BCR: variants seen among roughly 807,000 people sequenced by gnomAD.
The protein encoded by BCR is breakpoint cluster region protein.
In BCR, 58 loss-of-function variants were observed where a neutral mutation model predicts 138.6. The observed-to-expected ratio is 0.42, with a 90% confidence interval of 0.34 to 0.52. BCR has a LOEUF of 0.52. BCR is among the 20% of genes least tolerant of loss of function. The pLI, the probability that BCR is intolerant of heterozygous loss-of-function variation, is 0.06. For synonymous variants in BCR, 786 were observed against 730.1 expected (o/e 1.08, Z -1.23); for missense variants, 1,599 against 1,727.2 (o/e 0.93, Z 1.32).
Position 23,182,246 on chromosome 22 carries a change from T to C in BCR, c.1279+7T>C. On this transcript the variant is annotated splice_region_variant and intron_variant, in intron 1 of 22. Transcript: ENST00000305877. ...GCCTTCCATGGAGACGCAGGTGAGT[T>C]CCTCACGCCACGTGCGTGGGCACAC... The C allele has an allele frequency of 1.3e-6, 2 of 1,552,580 alleles. No individual in the cohort carries two copies. Among genetic ancestry groups the C allele is most frequent in the South Asian group, 2.3e-5 (2 of 87,012 alleles).
At chr22:23,184,302 G>C (rs534424972) in intron 1 of BCR, among the ~76,000 whole-genome samples, 2 of 152,038 alleles carry the variant, frequency 1.3e-5, no homozygotes, top group South Asian at 2.1e-4. Context: ...TGTTGCCCAG[G>C]CTGGTATCAA....
intron 4 of BCR, among the ~76,000 whole-genome samples, chr22:23,266,217 C>A (rs906714249): frequency 1.3e-5 from 2 of 151,898 alleles, no homozygotes; most frequent in Admixed American, 6.6e-5. Context: ...CCCTGAGTAG[C>A]TGGGACTACA....
chr22:23,305,245 C>G (rs997805608), intron 16 of BCR, among the ~76,000 whole-genome samples: 1 of 152,132 alleles, frequency 6.6e-6, no homozygotes, highest in African/African-American at 2.4e-5. Context: ...AAGACCCACC[C>G]CCGGGAGTAG....
chr22:23,303,205 T>G (rs923957854), intron 16 of BCR, among the ~76,000 whole-genome samples: 3 of 152,218 alleles, frequency 2.0e-5, no homozygotes, highest in Non-Finnish European at 4.4e-5. Flanking sequence ...TATGTCTCTG[T>G]CTGGGTACTG....
At chr22:23,183,032 C>T (rs1184219336) in intron 1 of BCR, among the ~76,000 whole-genome samples, 1 of 152,236 alleles carries the variant, frequency 6.6e-6, no homozygotes, top group African/African-American at 2.4e-5. Context: ...TGTGCTCCTG[C>T]TGCCTCATCT....
chr22:23,235,040 C>T lies in BCR; in HGVS notation c.1280-18759C>T, dbSNP rs1318127360. Among the ~76,000 whole-genome samples the T allele has an allele frequency of 4.2e-5, 6 of 144,052 alleles. 1 individual carries two copies. The highest frequency in any genetic ancestry group is 2.1e-4 in the Admixed American group (3 of 14,342). The allele number at this position is 144,052 out of a possible 152,430, so 94.5% of individuals were successfully genotyped here. A position where few individuals can be genotyped will look rare whatever the true frequency, so the allele number is the denominator to read the frequency against. ...GTGAGGGTGAAAACCAGGGTCAGCTCGAGACTATGACCCAGTTCCCATTTC... is the reference window on the plus strand; with the variant it reads ...GTGAGGGTGAAAACCAGGGTCAGCTTGAGACTATGACCCAGTTCCCATTTC... On this transcript the variant is annotated intron_variant, in intron 1 of 22. Coordinates refer to ENST00000305877, the MANE Select transcript of BCR (RefSeq NM_004327.4).
Position 23,244,699 on chromosome 22 carries a change from AC to A in BCR, c.1280-9099del, listed in dbSNP as rs370424219. On this transcript the variant is annotated intron_variant, in intron 1 of 22. Transcript: ENST00000305877. ...TGCACGTATTAGATACTCAGTAAGT[AC>A]ATTTGTCTGGGGCTAAACCTTCAGG... Among the ~76,000 whole-genome samples, 26 of 152,350 alleles carry A rather than the reference AC, an allele frequency of 1.7e-4. 1 individual carries two copies. In the South Asian group the frequency reaches 5.2e-3, roughly 30 times the overall value.
intron 1 of BCR, among the ~76,000 whole-genome samples, chr22:23,199,822 G>A (rs1338258487): frequency 6.6e-6 from 1 of 152,202 alleles, no homozygotes; most frequent in Non-Finnish European, 1.5e-5. Flanking sequence ...CAGGCGCGAT[G>A]GCTCACGCCT....
chr22:23,184,719 T>G (rs184756959), intron 1 of BCR, among the ~76,000 whole-genome samples: 1 of 152,172 alleles, frequency 6.6e-6, no homozygotes, highest in African/African-American at 2.4e-5. Context: ...TGTTATGTTT[T>G]AAAACTCCTG....
chr22:23,238,381 C>T (rs912389666), intron 1 of BCR, among the ~76,000 whole-genome samples: 4 of 152,066 alleles, frequency 2.6e-5, no homozygotes, highest in Non-Finnish European at 4.4e-5. Context: ...CGGTCTGTTC[C>T]TCAGGCTTTT....
chr22:23,232,763 C>T lies in BCR; in HGVS notation c.1280-21036C>T, dbSNP rs147544421. On this transcript the variant is annotated intron_variant, in intron 1 of 22. Transcript: ENST00000305877. ...CAGGATCAGAGAGATGGAATGAATG[C>T]TGCCGTGTCGCATTCATGTAGGAAG... is the stretch of plus-strand genomic sequence containing the variant. Among the ~76,000 whole-genome samples the T allele has an allele frequency of 2.9e-3, 438 of 152,310 alleles. 2 individuals carry two copies. The highest frequency in any genetic ancestry group is 3.4e-3 in the Middle Eastern group (1 of 294).
chr22:23,231,611 G>A lies in BCR; in HGVS notation c.1280-22188G>A, dbSNP rs552662087. On this transcript the variant is annotated intron_variant, in intron 1 of 22. Coordinates refer to ENST00000305877, the MANE Select transcript of BCR (RefSeq NM_004327.4). ...GGTGTTAAAAGGCCCATGGACTTGG[G>A]CCATGCCTGAGCTGGCTGTGCTCTG... 6.5e-4 allele frequency among the ~76,000 whole-genome samples: 99 copies of A among 152,360 alleles called. 1 individual carries two copies. Among genetic ancestry groups the A allele is most frequent in the Non-Finnish European group, 1.3e-3 (87 of 68,034 alleles).
At chr22:23,194,998 CG>C (rs935570646) in intron 1 of BCR, among the ~76,000 whole-genome samples, 1 of 150,982 alleles carries the variant, frequency 6.6e-6, no homozygotes, top group African/African-American at 2.4e-5. Flanking sequence ...TTTTTTTGGC[CG>C]GGAGTGGTGG....
intron 1 of BCR, among the ~76,000 whole-genome samples, chr22:23,199,918 A>T (rs2072531239): frequency 6.6e-6 from 1 of 151,922 alleles, no homozygotes; most frequent in South Asian, 2.1e-4. Flanking sequence ...CCCCGTCTCT[A>T]CTAAAAATAC....
At chr22:23,264,069 C>G in intron 4 of BCR, 1 of 1,190,780 alleles carries the variant, frequency 8.4e-7, no homozygotes, top group Non-Finnish European at 1.3e-6. Context: ...CACCTATGTT[C>G]GCTACTGGGA....
intron 1 of BCR, among the ~76,000 whole-genome samples, chr22:23,247,930 G>C (rs1196682835): frequency 1.3e-5 from 2 of 152,236 alleles, no homozygotes; most frequent in Non-Finnish European, 2.9e-5. Flanking sequence ...TCCATTGCGT[G>C]TATACATTAC....
intron 1 of BCR, among the ~76,000 whole-genome samples, chr22:23,199,938 A>T (rs74348634): frequency 2.6e-5 from 4 of 152,068 alleles, no homozygotes; most frequent in Non-Finnish European, 5.9e-5. Context: ...CAAAAAAAAA[A>T]TTAGCCGGGC....
chr22:23,252,316 CTG>C (rs1363753770), intron 1 of BCR, among the ~76,000 whole-genome samples: 3 of 152,202 alleles, frequency 2.0e-5, no homozygotes, highest in South Asian at 2.1e-4. Flanking sequence ...GCATGCTGGC[CTG>C]TGCTCCTCAC....
intron 1 of BCR, among the ~76,000 whole-genome samples, chr22:23,241,641 A>T (rs1297552393): frequency 6.6e-6 from 1 of 152,072 alleles, no homozygotes; most frequent in East Asian, 1.9e-4. Flanking sequence ...GAAGCTCAGC[A>T]TCCCCTCTGC....
Sources: allele counts gnomAD v4.1 joint callset (sites outside exome capture counted in the v4.1 genomes callset), GRCh38; gene constraint gnomAD v4.1.1; transcripts MANE v1.5; gene names NCBI Gene and HGNC (gene_info 2026-07-23, HGNC 2026-07-21).